Variants in RPS11 observed in about 807,000 individuals in gnomAD.
RPS11 encodes the protein small ribosomal subunit protein uS17.
For synonymous variants in RPS11, 107 were observed against 78.0 expected (o/e 1.37, Z -1.96); for missense variants, 127 against 211.4 (o/e 0.60, Z 2.48).
Position 49,496,460 on chromosome 19 carries a change from G to C in RPS11, c.4G>C (p.Ala2Pro), listed in dbSNP as rs766378700. M[A>P]DIQTERAYQK... ...TTTTTTTCAGGCGGCCGGGAAGATGGCGGACATTCAGGTGCGGACTCGGGG... is the reference window on the plus strand; with the variant it reads ...TTTTTTTCAGGCGGCCGGGAAGATGCCGGACATTCAGGTGCGGACTCGGGG... The change falls in exon 1 of 5, where the codon GCG becomes CCG. Residue 2 changes from alanine (A) to proline (P), a missense_variant. Coordinates refer to ENST00000270625, the MANE Select transcript of RPS11 (RefSeq NM_001015.5). 6.2e-7 allele frequency: 1 copy of C among 1,612,344 alleles called. No individual in the cohort carries two copies. The highest frequency in any genetic ancestry group is 1.1e-5 in the South Asian group (1 of 91,042).
chr19:49,498,108 C>T, intron 4 of RPS11, 62 bp downstream of exon 4: 4 of 1,597,624 alleles, frequency 2.5e-6, no homozygotes, highest in African/African-American at 1.3e-5. Flanking sequence ...GATTCCAGAT[C>T]GGACCAATTT....
intron 4 of RPS11, among the ~76,000 whole-genome samples, chr19:49,498,907 C>G (rs1455568412): frequency 6.6e-6 from 1 of 152,164 alleles, no homozygotes; most frequent in Non-Finnish European, 1.5e-5. Context: ...TTCATTCCCT[C>G]AGCATGTTTT....
At chr19:49,497,158 T>G in intron 1 of RPS11, 36 bp from the exon 2 acceptor site, 1 of 1,609,696 alleles carries the variant, frequency 6.2e-7, no homozygotes, top group East Asian at 2.2e-5. Context: ...GGCTTCAAAC[T>G]TAGCAGCTCA....
At chr19:49,497,410 G>C (rs1173518857) in intron 2 of RPS11, 85 bp downstream of exon 2, 2 of 1,599,474 alleles carry the variant, frequency 1.3e-6, no homozygotes, top group Admixed American at 3.4e-5. Flanking sequence ...GCATCTAAGT[G>C]GCTTCTGGGG....
At chr19:49,497,396 GC>G in intron 2 of RPS11, 71 bp downstream of exon 2, 2 of 1,605,818 alleles carry the variant, frequency 1.2e-6, no homozygotes, top group Non-Finnish European at 1.7e-6. Context: ...GAGTTGCCCT[GC>G]CTGCATCTAA....
chr19:49,497,298 C>A lies in RPS11; in HGVS notation c.120C>A (p.Ile40=), dbSNP rs776347958. Residue 40 remains isoleucine, a synonymous_variant, in exon 2 of 5, where the codon ATC becomes ATA. Coordinates refer to ENST00000270625, the MANE Select transcript of RPS11 (RefSeq NM_001015.5). ...KEKLPRYYKN[I]GLGFKTPKEA... ...AGCTCCCGCGGTACTACAAGAACAT[C>A]GGTCTGGGCTTCAAGACACCCAAGG... The A allele has an allele frequency of 6.2e-7, 1 of 1,614,104 alleles. No individual in the cohort carries two copies. The highest frequency in any genetic ancestry group is 1.7e-5 in the Admixed American group (1 of 60,012).
intron 1 of RPS11, among the ~76,000 whole-genome samples, chr19:49,496,793 G>A (rs980289998): frequency 6.6e-6 from 1 of 151,990 alleles, no homozygotes; most frequent in Non-Finnish European, 1.5e-5. Flanking sequence ...GCTAATCCAG[G>A]GAGCCTGCCG....
intron 4 of RPS11, among the ~76,000 whole-genome samples, chr19:49,498,785 T>A (rs1188006887): frequency 1.3e-5 from 2 of 152,182 alleles, no homozygotes; most frequent in Non-Finnish European, 2.9e-5. Context: ...TTGCAGCGTT[T>A]CAGAATTTTT....
chr19:49,497,343 A>C lies in RPS11; in HGVS notation c.147+18A>C. The C allele has an allele frequency of 6.2e-7, 1 of 1,613,816 alleles. No individual in the cohort carries two copies. The highest frequency in any genetic ancestry group is 2.2e-5 in the East Asian group (1 of 44,834). On this transcript the variant is annotated intron_variant, in intron 2 of 4. Transcript: ENST00000270625. The stretch of plus-strand genomic sequence containing the variant: ...CCAAGGAGGTGCGGGGAACCTCAGA[A>C]GAAAGAAGGGGAACCTGGCGTTCCT...
intron 2 of RPS11, 80 bp downstream of exon 2, chr19:49,497,405 T>C: frequency 6.2e-7 from 1 of 1,603,834 alleles, no homozygotes; most frequent in Non-Finnish European, 8.5e-7. Context: ...TGCCTGCATC[T>C]AAGTGGCTTC....
chr19:49,496,796 G>C (rs2079908612), intron 1 of RPS11, among the ~76,000 whole-genome samples: 1 of 152,062 alleles, frequency 6.6e-6, no homozygotes, highest in African/African-American at 2.4e-5. Context: ...AATCCAGGGA[G>C]CCTGCCGTCT....
At position 49,497,919 on chromosome 19, in the gene RPS11, G is replaced by T. The variant is rs773256716; in HGVS notation, c.226G>T (p.Val76Leu). 3.1e-6 allele frequency: 5 copies of T among 1,614,100 alleles called. No individual in the cohort carries two copies. The Admixed American group carries it at 6.7e-5, about 22-fold the overall frequency. ...CTATGATCGGCCCCCGCTCCTAGGCGTGGTGACCAAGATGAAGATGCAGAG... is the reference window on the plus strand; with the variant it reads ...CTATGATCGGCCCCCGCTCCTAGGCTTGGTGACCAAGATGAAGATGCAGAG... ...VSIRGRILSGVVTKMKMQRTI... is the reference protein window; with the variant it reads ...VSIRGRILSGLVTKMKMQRTI... Residue 76 changes from valine to leucine, a missense_variant and splice_region_variant, in exon 4 of 5, where the codon GTG becomes TTG. Transcript: ENST00000270625.
intron 1 of RPS11, among the ~76,000 whole-genome samples, chr19:49,496,806 T>A (rs1293962725): frequency 6.6e-6 from 1 of 152,120 alleles, no homozygotes; most frequent in Non-Finnish European, 1.5e-5. Flanking sequence ...GCCTGCCGTC[T>A]GGTATTTAAT....
chr19:49,497,514 T>C lies in RPS11; in HGVS notation c.148-6T>C. Reference sequence around the variant, plus strand: ...GCTCACTCCTTTATCTTTCCTATCCTTTCAGGCTATTGAGGGCACCTACAT... The same window carrying C: ...GCTCACTCCTTTATCTTTCCTATCCCTTCAGGCTATTGAGGGCACCTACAT... On this transcript the variant is annotated splice_polypyrimidine_tract_variant and splice_region_variant and intron_variant, in intron 2 of 4. Transcript: ENST00000270625. 2 of 1,613,594 alleles carry C rather than the reference T, an allele frequency of 1.2e-6. No homozygotes were observed. Among genetic ancestry groups the C allele is most frequent in the Non-Finnish European group, 1.7e-6 (2 of 1,179,632 alleles).
At chr19:49,498,067 G>C in intron 4 of RPS11, 21 bp downstream of exon 4, 2 of 1,611,722 alleles carry the variant, frequency 1.2e-6, no homozygotes, top group Non-Finnish European at 1.7e-6. Context: ...TGGCCCATCA[G>C]GTTGCTCAGG....
At chr19:49,498,303 C>G (rs548109928) in intron 4 of RPS11, 1 of 500,662 alleles carries the variant, frequency 2.0e-6, no homozygotes. Flanking sequence ...GGGGATGTGA[C>G]ATAGGTCTAA....
At position 49,498,274 on chromosome 19, in the gene RPS11, A is replaced by G. The variant is rs188277673; in HGVS notation, c.353+228A>G. On this transcript the variant is annotated intron_variant, in intron 4 of 4. Coordinates refer to ENST00000270625, the MANE Select transcript of RPS11 (RefSeq NM_001015.5). ...GAACCAGATTTTGGAATGTTCTCGC[A>G]TACATAGTGAGATGTTTTGGGGATG... 85 of 545,268 alleles carry G rather than the reference A, an allele frequency of 1.6e-4. No homozygotes were observed. In the East Asian group the frequency reaches 2.4e-3, roughly 15 times the overall value. 33.8% of individuals were successfully genotyped at this position (545,268 alleles called of 1,614,324 possible).
intron 4 of RPS11, among the ~76,000 whole-genome samples, 155 bp from the exon 5 acceptor site, chr19:49,499,357 G>A (rs999823487): frequency 3.9e-5 from 6 of 152,202 alleles, no homozygotes; most frequent in East Asian, 1.9e-4. Context: ...AAACTTGTAC[G>A]AAAGGAGGGG....
In RPS11 at chr19:49,496,467, T is replaced by C. The variant is rs754070725; in HGVS notation, c.11T>C (p.Ile4Thr). Residue 4 changes from isoleucine to threonine, a missense_variant, in exon 1 of 5, where the codon ATT becomes ACT. Physicochemically the swap from Ile to Thr is moderately conservative, Grantham distance 89 (BLOSUM62 -1). Coordinates refer to ENST00000270625, the MANE Select transcript of RPS11 (RefSeq NM_001015.5). MADIQTERAYQKQP... is the reference protein window; with the variant it reads MADTQTERAYQKQP... ...CAGGCGGCCGGGAAGATGGCGGACA[T>C]TCAGGTGCGGACTCGGGGTTGGATG... is the stretch of plus-strand genomic sequence containing the variant. 6.2e-6 allele frequency: 10 copies of C among 1,611,720 alleles called. No individual in the cohort carries two copies. The Admixed American group carries it at 1.7e-4, about 27-fold the overall frequency.
Sources: gnomAD v4.1 joint callset for allele counts (sites outside exome capture counted in the v4.1 genomes callset) on GRCh38, gnomAD v4.1.1 for gene constraint, MANE v1.5 for transcripts, NCBI Gene and HGNC (gene_info 2026-07-23, HGNC 2026-07-21) for gene names.